The following UGGT2 variants were observed in gnomAD, a reference collection of about 807,000 sequenced individuals.
UGGT2 encodes the protein UDP-glucose glycoprotein glucosyltransferase 2.
UGGT2 carries 180 observed loss-of-function variants against 192.1 expected under a neutral mutation model. That is an observed-to-expected ratio of 0.94 (90% CI 0.83 to 1.06). UGGT2 has a LOEUF of 1.06. UGGT2 is among the 50% of genes least tolerant of loss of function. The pLI is 0.00. For synonymous variants in UGGT2, 580 were observed against 591.0 expected (o/e 0.98, Z 0.27); for missense variants, 1,849 against 1,795.7 (o/e 1.03, Z -0.54).
At chr13:95,980,153 G>C (rs531468909) in intron 10 of UGGT2, among the ~76,000 whole-genome samples, 2 of 151,832 alleles carry the variant, frequency 1.3e-5, no homozygotes, top group Non-Finnish European at 2.9e-5. Flanking sequence ...CCAGAGGGGT[G>C]GGGGGGAAGT....
intron 6 of UGGT2, among the ~76,000 whole-genome samples, chr13:95,996,953 T>C (rs1475162120): frequency 6.6e-6 from 1 of 152,176 alleles, no homozygotes; most frequent in Non-Finnish European, 1.5e-5. Flanking sequence ...GTTGGTGTAA[T>C]ATGTGAAGGG....
chr13:95,983,537 C>T (rs1355682936), intron 10 of UGGT2: 1 of 529,114 alleles, frequency 1.9e-6, no homozygotes, highest in African/African-American at 1.9e-5. Context: ...TAACTCACAG[C>T]CTTTATTCTT....
intron 17 of UGGT2, among the ~76,000 whole-genome samples, chr13:95,932,536 T>A (rs1285219067): frequency 2.6e-5 from 4 of 152,158 alleles, no homozygotes; most frequent in Non-Finnish European, 5.9e-5. Flanking sequence ...AATCATATCA[T>A]CAGTGAAGAG....
intron 16 of UGGT2, 146 bp from the exon 17 acceptor site, chr13:95,937,234 C>T (rs934605304): frequency 2.1e-6 from 2 of 957,562 alleles, no homozygotes; most frequent in Middle Eastern, 3.4e-4. Flanking sequence ...CCAAACATTG[C>T]CTAAAGGAAA....
intron 11 of UGGT2, among the ~76,000 whole-genome samples, chr13:95,970,538 T>C (rs983892516): frequency 6.6e-6 from 1 of 152,060 alleles, no homozygotes; most frequent in Non-Finnish European, 1.5e-5. Context: ...AGTGAGGATA[T>C]GATCAGCCCT....
chr13:95,921,266 G>A (rs1258588792), intron 20 of UGGT2, among the ~76,000 whole-genome samples: 3 of 151,704 alleles, frequency 2.0e-5, no homozygotes, highest in Non-Finnish European at 4.4e-5. Flanking sequence ...TCTAGGCAAT[G>A]GGATGAACTG....
At chr13:95,846,201 T>G (rs1888424134) in intron 36 of UGGT2, among the ~76,000 whole-genome samples, 1 of 152,178 alleles carries the variant, frequency 6.6e-6, no homozygotes, top group Admixed American at 6.5e-5. Flanking sequence ...GGCTGGCAGA[T>G]CACTCACGGT....
intron 34 of UGGT2, among the ~76,000 whole-genome samples, chr13:95,855,634 C>T (rs1889533195): frequency 6.6e-6 from 1 of 151,868 alleles, no homozygotes; most frequent in Non-Finnish European, 1.5e-5. Context: ...ACTTTCCTCC[C>T]CACCTCAGCC....
rs373529211 is a variant in UGGT2, at chr13:95,928,951, G to A, written c.1978-1615C>T. Among the ~76,000 whole-genome samples the A allele has an allele frequency of 1.5e-3, 236 of 152,306 alleles. 1 individual carries two copies. The highest frequency in any genetic ancestry group is 6.8e-3 in the Middle Eastern group (2 of 294). On this transcript the variant is annotated intron_variant, in intron 17 of 38. Transcript: ENST00000376747. ...ACTCCATCTGCAATCCCGGCACCTC[G>A]GGAGGCCGGGGCTGGCAGATCACTC...
At chr13:95,902,746 T>G in intron 21 of UGGT2, 108 bp downstream of exon 21, 1 of 1,078,474 alleles carries the variant, frequency 9.3e-7, no homozygotes, top group Non-Finnish European at 1.3e-6. Context: ...TTTATTATCT[T>G]CATTTGTTTA....
intron 1 of UGGT2, among the ~76,000 whole-genome samples, chr13:96,045,156 G>A (rs1418009839): frequency 6.6e-6 from 1 of 151,950 alleles, no homozygotes; most frequent in Non-Finnish European, 1.5e-5. Flanking sequence ...TTATGAAGTG[G>A]GTTTCATAAC....
chr13:95,973,638 AC>A (rs2050845973), intron 10 of UGGT2, among the ~76,000 whole-genome samples: 1 of 152,238 alleles, frequency 6.6e-6, no homozygotes, highest in African/African-American at 2.4e-5. Flanking sequence ...AGAACAGTTA[AC>A]AAAAGTAAAA....
chr13:96,034,196 G>A (rs535767765), intron 1 of UGGT2, among the ~76,000 whole-genome samples: 2 of 152,254 alleles, frequency 1.3e-5, no homozygotes, highest in South Asian at 2.1e-4. Flanking sequence ...ACATCGGGAT[G>A]ACCTGACTGC....
chr13:96,038,600 T>C (rs1401792237), intron 1 of UGGT2, among the ~76,000 whole-genome samples: 1 of 152,154 alleles, frequency 6.6e-6, no homozygotes, highest in Non-Finnish European at 1.5e-5. Flanking sequence ...GAATCACAGG[T>C]CTAACCTATT....
intron 38 of UGGT2, among the ~76,000 whole-genome samples, chr13:95,804,844 G>T (rs935319898): frequency 1.3e-5 from 2 of 152,022 alleles, no homozygotes; most frequent in Admixed American, 1.3e-4. Context: ...AACTCCTGAG[G>T]AACACATAGG....
chr13:95,983,836 G>A lies in UGGT2; in HGVS notation c.1060C>T (p.His354Tyr). The change falls in exon 10 of 39, where the codon CAT becomes TAT. Residue 354 changes from histidine (H) to tyrosine (Y), a missense_variant. His to Tyr is a moderately conservative substitution (Grantham distance 83, BLOSUM62 2). Transcript: ENST00000376747. ...RSLTRIAVNQHMREEIKENQK... is the reference protein window; with the variant it reads ...RSLTRIAVNQYMREEIKENQK... ...TTTTCCTTTATTTCTTCTCTCATAT[G>A]TTGATTTACAGCAATTCTGGTTAGA... 5 of 1,568,522 alleles carry A rather than the reference G, an allele frequency of 3.2e-6. No homozygotes were observed. The highest frequency in any genetic ancestry group is 4.3e-6 in the Non-Finnish European group (5 of 1,157,600).
intron 27 of UGGT2, among the ~76,000 whole-genome samples, chr13:95,883,258 A>G (rs891473814): frequency 2.0e-5 from 3 of 152,242 alleles, no homozygotes; most frequent in Non-Finnish European, 4.4e-5. Context: ...CATTATAAAC[A>G]ATCTTAACCA....
intron 20 of UGGT2, among the ~76,000 whole-genome samples, chr13:95,904,208 T>A (rs540455193): frequency 2.0e-5 from 3 of 152,306 alleles, no homozygotes; most frequent in African/African-American, 7.2e-5. Context: ...TTCCATTTAT[T>A]GGTATTATAC....
chr13:95,930,469 G>C (rs1381435917), intron 17 of UGGT2, among the ~76,000 whole-genome samples: 1 of 152,096 alleles, frequency 6.6e-6, no homozygotes, highest in African/African-American at 2.4e-5. Flanking sequence ...GTCCAGTTTT[G>C]TTTGCATATG....
Sources: gnomAD v4.1 joint callset for allele counts (sites outside exome capture counted in the v4.1 genomes callset) on GRCh38, gnomAD v4.1.1 for gene constraint, MANE v1.5 for transcripts, NCBI Gene and HGNC (gene_info 2026-07-23, HGNC 2026-07-21) for gene names.